Variants in EP300 observed in about 807,000 individuals in gnomAD.
EP300 encodes histone acetyltransferase p300.
In EP300, 31 loss-of-function variants were observed where a neutral mutation model predicts 264.0. The observed-to-expected ratio is 0.12, with a 90% confidence interval of 0.09 to 0.16. EP300 has a LOEUF of 0.16. Among genes scored for constraint, EP300 ranks in the 10% least tolerant of loss-of-function variants. The pLI is 1.00. For synonymous variants in EP300, 1,340 were observed against 1,045.4 expected (o/e 1.28, Z -5.44); for missense variants, 2,766 against 3,052.9 (o/e 0.91, Z 2.21).
At chr22:41,167,240 A>G (rs1468385106) in intron 23 of EP300, among the ~76,000 whole-genome samples, 1 of 151,986 alleles carries the variant, frequency 6.6e-6, no homozygotes, top group East Asian at 1.9e-4. Context: ...CAGGTGATCC[A>G]CCCACCTTGG....
chr22:41,121,983 G>C (rs2058854567), intron 2 of EP300, among the ~76,000 whole-genome samples: 1 of 152,020 alleles, frequency 6.6e-6, no homozygotes, highest in Non-Finnish European at 1.5e-5. Flanking sequence ...AGCCACATAG[G>C]ATAAATACTA....
chr22:41,151,814 C>T lies in EP300; in HGVS notation c.2818-19C>T, dbSNP rs778273598. 1.2e-6 allele frequency: 2 copies of T among 1,613,704 alleles called. No individual in the cohort carries two copies. The highest frequency in any genetic ancestry group is 3.3e-5 in the Admixed American group (2 of 60,006). On this transcript the variant is annotated intron_variant, in intron 14 of 30. Transcript: ENST00000263253. Reference sequence around the variant, plus strand: ...GACTCTGCGTGTGTCTCACCTACTTCCCTTTTTTTTCTGCCCAGCTTTCCC... The same window carrying T: ...GACTCTGCGTGTGTCTCACCTACTTTCCTTTTTTTTCTGCCCAGCTTTCCC...
At position 41,173,607 on chromosome 22, in the gene EP300, T is replaced by C; in HGVS notation, c.4618-16T>C. 4 of 1,613,920 alleles carry C rather than the reference T, an allele frequency of 2.5e-6. No homozygotes were observed. Among genetic ancestry groups the C allele is most frequent in the Non-Finnish European group, 3.4e-6 (4 of 1,179,906 alleles). On this transcript the variant is annotated splice_polypyrimidine_tract_variant and intron_variant, in intron 28 of 30. Coordinates refer to ENST00000263253, the MANE Select transcript of EP300 (RefSeq NM_001429.4). ...CAAAAACCTTATTTTCTTGTCTCCT[T>C]TGTGCTACTCTGCAGGTGACCAAGG...
intron 1 of EP300, chr22:41,107,981 G>A (rs2058767183): frequency 6.6e-6 from 1 of 152,184 alleles, no homozygotes; most frequent in South Asian, 2.1e-4. Flanking sequence ...GGGATTACAG[G>A]CGTGAGCCAC....
At chr22:41,168,123 CT>C (rs1409370443) in intron 23 of EP300, 3 of 364,534 alleles carry the variant, frequency 8.2e-6, no homozygotes. Flanking sequence ...CACCCGGCCC[CT>C]GTTCTGTATT....
At chr22:41,146,085 T>TC (rs1569105471) in intron 10 of EP300, among the ~76,000 whole-genome samples, 1 of 152,030 alleles carries the variant, frequency 6.6e-6, no homozygotes, top group East Asian at 1.9e-4. Flanking sequence ...ATAGCTATTA[T>TC]CCATGGAGAT....
intron 17 of EP300, 120 bp from the exon 18 acceptor site, chr22:41,157,049 A>C (rs1444070500): frequency 8.2e-7 from 1 of 1,222,150 alleles, no homozygotes; most frequent in Non-Finnish European, 1.2e-6. Flanking sequence ...CTCTTGGGGA[A>C]TATAGACAGG....
At chr22:41,122,157 C>CTTTTTTTTTTTT (rs71328774) in intron 2 of EP300, among the ~76,000 whole-genome samples, 3 of 35,854 alleles carry the variant, frequency 8.4e-5, no homozygotes, top group African/African-American at 1.4e-4. Flanking sequence ...TCTTCTTCTT[C>CTTTTTTTTTTTT]TTTTTTTTTT....
intron 1 of EP300, among the ~76,000 whole-genome samples, chr22:41,101,079 C>CTTTTTTTTTTTTTT (rs1569081979): frequency 6.6e-6 from 1 of 151,612 alleles, no homozygotes; most frequent in African/African-American, 2.4e-5. Flanking sequence ...TAAGCATATT[C>CTTTTTTTTTTTTTT]TTTCTTCTTT....
chr22:41,120,262 C>G (rs1238317775), intron 2 of EP300, among the ~76,000 whole-genome samples: 1 of 152,206 alleles, frequency 6.6e-6, no homozygotes, highest in Admixed American at 6.5e-5. Flanking sequence ...TGCAGCGGTT[C>G]ACACCTAGAA....
At chr22:41,143,304 T>C (rs1182434345) in intron 10 of EP300, among the ~76,000 whole-genome samples, 1 of 151,972 alleles carries the variant, frequency 6.6e-6, no homozygotes, top group East Asian at 1.9e-4. Flanking sequence ...ATACAAAAAT[T>C]AGCCAGGCAT....
intron 1 of EP300, among the ~76,000 whole-genome samples, chr22:41,094,118 CAGTT>C (rs1447328895): frequency 6.6e-6 from 1 of 152,168 alleles, no homozygotes; most frequent in African/African-American, 2.4e-5. Flanking sequence ...TCTTTTCTTA[CAGTT>C]AGTTTAATGG....
chr22:41,148,025 T>C lies in EP300; in HGVS notation c.2241+79T>C, dbSNP rs1465938742. On this transcript the variant is annotated intron_variant, in intron 12 of 30. Transcript: ENST00000263253. ...TCCTGTTTGTTCCTACTTTATAAATTCTCACAGTCATTTAAACAGACCATA... is the reference window on the plus strand; with the variant it reads ...TCCTGTTTGTTCCTACTTTATAAATCCTCACAGTCATTTAAACAGACCATA... The C allele has an allele frequency of 1.5e-5, 15 of 984,102 alleles. No individual in the cohort carries two copies. In the East Asian group the frequency reaches 1.7e-4, roughly 11 times the overall value. 61.0% of individuals were successfully genotyped at this position (984,102 alleles called of 1,614,324 possible).
intron 1 of EP300, among the ~76,000 whole-genome samples, chr22:41,111,296 T>C (rs1487084710): frequency 6.6e-6 from 1 of 152,174 alleles, no homozygotes; most frequent in Non-Finnish European, 1.5e-5. Flanking sequence ...TAAAAAATTA[T>C]TTGTAACCAT....
intron 21 of EP300, among the ~76,000 whole-genome samples, chr22:41,163,474 G>A (rs1367160194): frequency 1.3e-5 from 2 of 151,074 alleles, no homozygotes; most frequent in East Asian, 1.9e-4. Flanking sequence ...GTTTGGCCGG[G>A]CACAGTGGCC....
intron 18 of EP300, among the ~76,000 whole-genome samples, chr22:41,158,199 G>T (rs564410534): frequency 1.6e-4 from 24 of 152,320 alleles, no homozygotes; most frequent in Admixed American, 4.6e-4. Flanking sequence ...CTTTGGTAAA[G>T]TGATGGAAGG....
rs774071786 is a variant in EP300, at chr22:41,177,948, G to C, written c.6237G>C (p.Gln2079His). The C allele has an allele frequency of 5.0e-6, 8 of 1,614,196 alleles. 1 individual carries two copies. The change falls in exon 31 of 31, where the codon CAG becomes CAC. Residue 2079 changes from glutamine to histidine, a missense_variant. Gln to His is a conservative substitution (Grantham distance 24). Transcript: ENST00000263253. ...QVLSILHANPQLLAAFIKQRA... is the reference protein window; with the variant it reads ...QVLSILHANPHLLAAFIKQRA... ...TTAGTATCCTTCACGCCAACCCCCA[G>C]CTGTTGGCTGCATTCATCAAGCAGC... is the stretch of plus-strand genomic sequence containing the variant.
At position 41,176,796 on chromosome 22, in the gene EP300, C is replaced by T. The variant is rs1423610065; in HGVS notation, c.5085C>T (p.Cys1695=). Residue 1695 remains cysteine, a synonymous_variant, in exon 31 of 31, where the codon TGC becomes TGT. Transcript: ENST00000263253. The part of the protein sequence containing the change: ...VCEDYDLCIT[C]YNTKNHDHKM... Reference sequence around the variant, plus strand: ...AGGATTATGACTTGTGTATCACCTGCTATAACACTAAAAACCATGACCACA... The same window carrying T: ...AGGATTATGACTTGTGTATCACCTGTTATAACACTAAAAACCATGACCACA... 6.2e-7 allele frequency: 1 copy of T among 1,614,124 alleles called. No individual in the cohort carries two copies. Among genetic ancestry groups the T allele is most frequent in the Non-Finnish European group, 8.5e-7 (1 of 1,180,030 alleles).
At chr22:41,095,083 A>AC (rs1300111786) in intron 1 of EP300, among the ~76,000 whole-genome samples, 1 of 151,152 alleles carries the variant, frequency 6.6e-6, no homozygotes. Context: ...GGTTAACTTT[A>AC]CCCCCCTCCC....
Sources: gnomAD v4.1 joint callset for allele counts (sites outside exome capture counted in the v4.1 genomes callset) on GRCh38, gnomAD v4.1.1 for gene constraint, MANE v1.5 for transcripts, NCBI Gene and HGNC (gene_info 2026-07-23, HGNC 2026-07-21) for gene names.